The following MGAT4C variants were observed in gnomAD, a reference collection of about 807,000 sequenced individuals.
MGAT4C encodes MGAT4 family member C.
In MGAT4C, 19 loss-of-function variants were observed where a neutral mutation model predicts 40.1. That is an observed-to-expected ratio of 0.47 (90% CI 0.33 to 0.70). The LOEUF is 0.70. Ranked by LOEUF, MGAT4C falls within the 30% of genes least tolerant of loss-of-function variation. The pLI is 0.02. For synonymous variants in MGAT4C, 181 were observed against 187.1 expected, an observed-to-expected ratio of 0.97 and a Z score of 0.27; for missense variants, 491 against 563.2, an observed-to-expected ratio of 0.87 and a Z score of 1.30.
chr12:86,394,524 A>G (rs899419327), intron 3 of MGAT4C, among the ~76,000 whole-genome samples: 32 of 144,606 alleles, frequency 2.2e-4, no homozygotes, highest in Non-Finnish European at 2.7e-4. Context: ...TTATATATTT[A>G]TATATTTTAT....
At chr12:86,770,914 C>T (rs1377183254) in intron 1 of MGAT4C, among the ~76,000 whole-genome samples, 1 of 152,024 alleles carries the variant, frequency 6.6e-6, no homozygotes, top group Non-Finnish European at 1.5e-5. Context: ...AATTGTGTCT[C>T]CTTCCCCAAA....
chr12:86,142,717 T>TG (rs919956103), intron 1 of MGAT4C, among the ~76,000 whole-genome samples: 100 of 152,014 alleles, frequency 6.6e-4, no homozygotes, highest in African/African-American at 2.2e-3. Flanking sequence ...TTCTTTTTTT[T>TG]TTTTGTTTTT....
intron 2 of MGAT4C, among the ~76,000 whole-genome samples, chr12:86,489,131 C>A (rs1958080442): frequency 6.6e-6 from 1 of 152,104 alleles, no homozygotes; most frequent in Non-Finnish European, 1.5e-5. Context: ...ACTCAGCCAG[C>A]AGAGGACAGA....
intron 1 of MGAT4C, among the ~76,000 whole-genome samples, chr12:86,786,362 T>A (rs532835081): frequency 3.2e-4 from 49 of 152,160 alleles, no homozygotes; most frequent in African/African-American, 1.2e-3. Flanking sequence ...ACAAAAGAAA[T>A]AGTAGAAATT....
chr12:86,448,680 G>T (rs549912136), intron 2 of MGAT4C, among the ~76,000 whole-genome samples: 1 of 152,206 alleles, frequency 6.6e-6, no homozygotes, highest in South Asian at 2.1e-4. Context: ...AAAAAACTAA[G>T]CTAACATCAA....
intron 3 of MGAT4C, among the ~76,000 whole-genome samples, chr12:86,398,569 G>C (rs753400280): frequency 2.3e-4 from 35 of 151,516 alleles, no homozygotes; most frequent in Non-Finnish European, 4.0e-4. Flanking sequence ...CATGGTTCCT[G>C]ACTCATAAGT....
intron 4 of MGAT4C, among the ~76,000 whole-genome samples, chr12:86,330,529 C>T (rs1954639401): frequency 6.6e-6 from 1 of 152,076 alleles, no homozygotes; most frequent in Admixed American, 6.6e-5. Context: ...TTTTTAGTAG[C>T]TTTTGTTGTC....
chr12:86,794,898 G>A (rs931004641), intron 1 of MGAT4C, among the ~76,000 whole-genome samples: 2 of 151,784 alleles, frequency 1.3e-5, no homozygotes, highest in Admixed American at 1.3e-4. Context: ...CAATATCATT[G>A]TGAAAATCAG....
At chr12:86,474,922 A>G (rs1957810563) in intron 2 of MGAT4C, among the ~76,000 whole-genome samples, 1 of 152,270 alleles carries the variant, frequency 6.6e-6, no homozygotes, top group East Asian at 1.9e-4. Context: ...ATATGCACAA[A>G]AAGTATATGT....
intron 1 of MGAT4C, among the ~76,000 whole-genome samples, chr12:86,203,864 C>T (rs200117858): frequency 6.7e-6 from 1 of 149,868 alleles, no homozygotes. Context: ...GGCTGAGGCA[C>T]GAGAATCACT....
chr12:86,587,306 A>G (rs1593015364), intron 2 of MGAT4C, among the ~76,000 whole-genome samples: 3 of 152,026 alleles, frequency 2.0e-5, no homozygotes, highest in Admixed American at 2.0e-4. Context: ...TGTTCCATTG[A>G]TCTATATCTC....
intron 4 of MGAT4C, among the ~76,000 whole-genome samples, chr12:86,271,276 A>C (rs995769157): frequency 6.6e-6 from 1 of 152,200 alleles, no homozygotes; most frequent in Non-Finnish European, 1.5e-5. Flanking sequence ...CAGGGGCCTA[A>C]TGTCAAGAAT....
At chr12:86,295,691 CTGA>C (rs1953650721) in intron 4 of MGAT4C, among the ~76,000 whole-genome samples, 3 of 152,122 alleles carry the variant, frequency 2.0e-5, no homozygotes, top group African/African-American at 7.2e-5. Flanking sequence ...TGTCAGGGTG[CTGA>C]TTGGTGCATT....
chr12:86,700,178 C>CAGATAGATAGATAGATAGAT (rs370834701), intron 2 of MGAT4C, among the ~76,000 whole-genome samples: 8 of 140,770 alleles, frequency 5.7e-5, no homozygotes, highest in East Asian at 4.3e-4. Context: ...GACAGACAGA[C>CAGATAGATAGATAGATAGAT]AGATAGATAG....
chr12:86,454,219 T>C (rs1957472714), intron 2 of MGAT4C, among the ~76,000 whole-genome samples: 1 of 152,250 alleles, frequency 6.6e-6, no homozygotes, highest in East Asian at 1.9e-4. Context: ...TCATAATTTA[T>C]ATGCAATTAT....
chr12:86,578,473 T>A (rs1288215308), intron 2 of MGAT4C, among the ~76,000 whole-genome samples: 2 of 151,888 alleles, frequency 1.3e-5, no homozygotes, highest in Non-Finnish European at 2.9e-5. Flanking sequence ...TTTGGTAGAA[T>A]TCAGAAGTGA....
chr12:86,096,190 G>T (rs533142620), intron 1 of MGAT4C, among the ~76,000 whole-genome samples: 1 of 151,628 alleles, frequency 6.6e-6, no homozygotes, highest in East Asian at 1.9e-4. Flanking sequence ...TTGCCTTAAT[G>T]CCTTTTTAAA....
chr12:86,106,269 G>A (rs1030196666), intron 1 of MGAT4C, among the ~76,000 whole-genome samples: 1 of 140,866 alleles, frequency 7.1e-6, no homozygotes, highest in Non-Finnish European at 1.5e-5. Flanking sequence ...AGCAGCACTC[G>A]TTTAGTTTAG....
chr12:86,427,837 G>A (rs1592834768), intron 3 of MGAT4C, among the ~76,000 whole-genome samples: 1 of 152,162 alleles, frequency 6.6e-6, no homozygotes. Flanking sequence ...TGGCTAACAC[G>A]GTGAAACCCC....
Sources: gnomAD v4.1 joint callset for allele counts (sites outside exome capture counted in the v4.1 genomes callset) on GRCh38, gnomAD v4.1.1 for gene constraint, MANE v1.5 for transcripts, NCBI Gene and HGNC (gene_info 2026-07-23, HGNC 2026-07-21) for gene names.